Variants in IL6ST observed in about 807,000 individuals in gnomAD.
IL6ST encodes interleukin 6 cytokine family signal transducer, also known as interleukin-6 receptor subunit beta.
A neutral mutation model predicts 91.3 loss-of-function variants in IL6ST; 24 were observed. The ratio of observed to expected loss-of-function variants is 0.26; its 90% CI spans 0.19 to 0.37. The LOEUF is 0.37. Among genes scored for constraint, IL6ST ranks in the 10% least tolerant of loss-of-function variants. The pLI, the probability that IL6ST is intolerant of heterozygous loss-of-function variation, is 1.00. For missense variants in IL6ST, 914 were observed against 1,078.5 expected, an observed-to-expected ratio of 0.85 and a Z score of 2.14; for synonymous variants, 351 against 373.6, an observed-to-expected ratio of 0.94 and a Z score of 0.70.
At chr5:55,946,554 G>A (rs1407711816) in intron 15 of IL6ST, among the ~76,000 whole-genome samples, 1 of 152,194 alleles carries the variant, frequency 6.6e-6, no homozygotes, top group African/African-American at 2.4e-5. Flanking sequence ...GGTGACTCAT[G>A]CCTGTAATCC....
intron 1 of IL6ST, among the ~76,000 whole-genome samples, chr5:55,987,490 A>G (rs1754038299): frequency 1.3e-5 from 2 of 152,250 alleles, no homozygotes; most frequent in Non-Finnish European, 2.9e-5. Context: ...AAACTTAAAA[A>G]TAACAACAAA....
At chr5:55,952,780 G>A (rs185954001) in intron 11 of IL6ST, among the ~76,000 whole-genome samples, 16 of 152,202 alleles carry the variant, frequency 1.1e-4, no homozygotes, top group African/African-American at 3.4e-4. Context: ...AAATTTCCTC[G>A]GCCAGGCGCT....
chr5:55,983,536 C>G (rs182180851), intron 1 of IL6ST, among the ~76,000 whole-genome samples: 27 of 152,276 alleles, frequency 1.8e-4, no homozygotes, highest in African/African-American at 6.3e-4. Flanking sequence ...AGTACTAGTG[C>G]TCCTCTTTGA....
chr5:55,984,611 T>C (rs1753852853), intron 1 of IL6ST, among the ~76,000 whole-genome samples: 1 of 152,136 alleles, frequency 6.6e-6, no homozygotes, highest in South Asian at 2.1e-4. Context: ...CTCCAAAACC[T>C]TGAGAGAATA....
At position 55,937,427 on chromosome 5, in the gene IL6ST, T is replaced by C. The variant is rs1245282254; in HGVS notation, c.*3655A>G. ...TGTATGATGGAAAAAAATAGGTTAA[T>C]GCAAAAGATAATACGCTTGGCTTTG... is the stretch of plus-strand genomic sequence containing the variant. On this transcript the variant is annotated 3_prime_UTR_variant, in exon 17 of 17. Transcript: ENST00000381298. The C allele has an allele frequency of 4.7e-6, 1 of 212,698 alleles. No individual in the cohort carries two copies. The highest frequency in any genetic ancestry group is 9.5e-6 in the Non-Finnish European group (1 of 105,036). The allele number at this position is 212,698 out of a possible 1,614,324, so 13.2% of individuals were successfully genotyped here.
Position 55,939,023 on chromosome 5 carries a change from G to T in IL6ST, c.*2059C>A. On this transcript the variant is annotated 3_prime_UTR_variant, in exon 17 of 17. Coordinates refer to ENST00000381298, the MANE Select transcript of IL6ST (RefSeq NM_002184.4). Reference sequence around the variant, plus strand: ...CATATTGTATATCTGACCCTGAAATGTACAAACTTCACACTACAACATTCT... The same window carrying T: ...CATATTGTATATCTGACCCTGAAATTTACAAACTTCACACTACAACATTCT... 1 of 204,366 alleles carries T rather than the reference G, an allele frequency of 4.9e-6. No individual in the cohort carries two copies. Among genetic ancestry groups the T allele is most frequent in the Non-Finnish European group, 1.0e-5 (1 of 99,708 alleles). 12.7% of individuals were successfully genotyped at this position (204,366 alleles called of 1,614,324 possible). A position where few individuals can be genotyped will look rare whatever the true frequency, so the allele number is the denominator to read the frequency against.
chr5:55,951,712 G>A (rs1300870916), intron 13 of IL6ST, 108 bp from the exon 14 acceptor site: 13 of 1,078,964 alleles, frequency 1.2e-5, no homozygotes, highest in Non-Finnish European at 1.6e-5. Flanking sequence ...TATTTTTGTT[G>A]GAAAACAACT....
At chr5:55,943,810 C>T (rs1751069094) in intron 15 of IL6ST, among the ~76,000 whole-genome samples, 1 of 152,154 alleles carries the variant, frequency 6.6e-6, no homozygotes, top group African/African-American at 2.4e-5. Flanking sequence ...TGGCTCACAC[C>T]TGTAATCCCA....
At chr5:55,964,426 C>T in intron 5 of IL6ST, 114 bp from the exon 6 acceptor site, 1 of 610,908 alleles carries the variant, frequency 1.6e-6, no homozygotes, top group Non-Finnish European at 2.8e-6. Context: ...GCAAACTTTG[C>T]AATATAACTG....
intron 7 of IL6ST, among the ~76,000 whole-genome samples, chr5:55,962,709 G>A (rs1752392714): frequency 6.6e-6 from 1 of 151,394 alleles, no homozygotes; most frequent in South Asian, 2.1e-4. Flanking sequence ...GATTTTGGTG[G>A]ACTGCAGCAC....
At chr5:55,970,376 T>C (rs775578614) in intron 3 of IL6ST, among the ~76,000 whole-genome samples, 3 of 152,092 alleles carry the variant, frequency 2.0e-5, no homozygotes, top group Admixed American at 6.5e-5. Flanking sequence ...GATGGCCAAA[T>C]AGTTTAGTTT....
In IL6ST at chr5:55,941,394, G is replaced by T; in HGVS notation, c.2445C>A (p.Phe815Leu). The T allele has an allele frequency of 6.2e-7, 1 of 1,614,132 alleles. No individual in the cohort carries two copies. Among genetic ancestry groups the T allele is most frequent in the Non-Finnish European group, 8.5e-7 (1 of 1,179,990 alleles). Residue 815 changes from phenylalanine to leucine, a missense_variant, in exon 17 of 17, where the codon TTC becomes TTA. Phe to Leu is a conservative substitution (Grantham distance 22). Transcript: ENST00000381298. Reference protein sequence around the residue: ...GDGILPRQQYFKQNCSQHESS... With the variant: ...GDGILPRQQYLKQNCSQHESS... ...ATTCATGCTGACTGCAGTTCTGTTT[G>T]AAGTACTGTTGCCTGGGCAAAATAC...
chr5:55,959,777 G>A (rs530776144), intron 8 of IL6ST: 22 of 438,472 alleles, frequency 5.0e-5, no homozygotes, highest in Admixed American at 4.7e-4. Context: ...TTCAGGATAT[G>A]ATTCTCTAGT....
chr5:55,952,703 A>C (rs952404828), intron 11 of IL6ST, among the ~76,000 whole-genome samples: 1 of 152,232 alleles, frequency 6.6e-6, no homozygotes, highest in Non-Finnish European at 1.5e-5. Flanking sequence ...AGACGACTAA[A>C]GCAGTAAGAC....
intron 2 of IL6ST, among the ~76,000 whole-genome samples, chr5:55,976,951 C>T (rs1414010577): frequency 6.6e-6 from 1 of 152,092 alleles, no homozygotes; most frequent in Non-Finnish European, 1.5e-5. Context: ...TTGGTATTTC[C>T]ACTCCAAAGA....
At chr5:55,963,777 A>G (rs1752476656) in intron 6 of IL6ST, among the ~76,000 whole-genome samples, 1 of 152,168 alleles carries the variant, frequency 6.6e-6, no homozygotes, top group Non-Finnish European at 1.5e-5. Flanking sequence ...CAAATTTTTA[A>G]AAAAGAATAA....
chr5:55,990,020 A>G (rs1311493283), intron 1 of IL6ST, among the ~76,000 whole-genome samples: 1 of 152,234 alleles, frequency 6.6e-6, no homozygotes, highest in African/African-American at 2.4e-5. Flanking sequence ...GAGCAGATCA[A>G]TCAACCTTAG....
chr5:55,946,994 G>A (rs953273951), intron 15 of IL6ST, among the ~76,000 whole-genome samples: 5 of 152,042 alleles, frequency 3.3e-5, no homozygotes, highest in African/African-American at 1.2e-4. Flanking sequence ...CCTGAGGTCA[G>A]GAGTTCGAGA....
chr5:55,937,754 CTT>C lies in IL6ST; in HGVS notation c.*3326_*3327del, dbSNP rs1211962408. 2 of 192,836 alleles carry C rather than the reference CTT, an allele frequency of 1.0e-5. No individual in the cohort carries two copies. The highest frequency in any genetic ancestry group is 4.6e-5 in the African/African-American group (2 of 43,090). The allele number at this position is 192,836 out of a possible 1,614,324, so 11.9% of individuals were successfully genotyped here. A position where few individuals can be genotyped will look rare whatever the true frequency, so the allele number is the denominator to read the frequency against. On this transcript the variant is annotated 3_prime_UTR_variant, in exon 17 of 17. Transcript: ENST00000381298. The stretch of plus-strand genomic sequence containing the variant: ...AGTAAATTTTTTTTGAACAATTGAA[CTT>C]TTGTCTTATGCAGCTTATAACTTTG...
Sources: allele counts gnomAD v4.1 joint callset (sites outside exome capture counted in the v4.1 genomes callset), GRCh38; gene constraint gnomAD v4.1.1; transcripts MANE v1.5; gene names NCBI Gene and HGNC (gene_info 2026-07-23, HGNC 2026-07-21).